FBXW4: variants seen among roughly 807,000 people sequenced by gnomAD.
The protein encoded by FBXW4 is F-box and WD repeat domain containing 4, also known as F-box/WD repeat-containing protein 4.
In FBXW4, 40 loss-of-function variants were observed where a neutral mutation model predicts 61.8. That is an observed-to-expected ratio of 0.65 (90% CI 0.50 to 0.84). The LOEUF is 0.84. FBXW4 is among the 40% of genes least tolerant of loss of function. The pLI, the probability that FBXW4 is intolerant of heterozygous loss-of-function variation, is 0.00. For synonymous variants in FBXW4, 311 were observed against 313.8 expected, an observed-to-expected ratio of 0.99 and a Z score of 0.10; for missense variants, 672 against 753.8, an observed-to-expected ratio of 0.89 and a Z score of 1.27.
At chr10:101,650,666 G>T (rs777512916) in intron 5 of FBXW4, among the ~76,000 whole-genome samples, 15 of 152,148 alleles carry the variant, frequency 9.9e-5, no homozygotes, top group Non-Finnish European at 1.3e-4. Flanking sequence ...ATGGATGGGG[G>T]AATCCTTTGC....
At chr10:101,625,246 G>A (rs2063898696) in intron 5 of FBXW4, 5 of 204,976 alleles carry the variant, frequency 2.4e-5, no homozygotes, top group African/African-American at 1.2e-4. Context: ...AGAAGTAGGA[G>A]CAGCTGAGGG....
chr10:101,673,197 A>G (rs1279754506), intron 3 of FBXW4, 150 bp from the exon 4 acceptor site: 1 of 976,414 alleles, frequency 1.0e-6, no homozygotes, highest in Non-Finnish European at 1.5e-6. Flanking sequence ...GACTTTCTAG[A>G]TACCTTTACT....
intron 6 of FBXW4, among the ~76,000 whole-genome samples, chr10:101,620,647 A>AT (rs553911024): frequency 2.2e-4 from 33 of 151,688 alleles, no homozygotes; most frequent in South Asian, 1.0e-3. Flanking sequence ...TCTGTTTTTA[A>AT]TTTTTTTTTG....
At position 101,673,570 on chromosome 10, in the gene FBXW4, G is replaced by A. The variant is rs886044695; in HGVS notation, c.925C>T (p.Arg309Trp). The change falls in exon 3 of 9, where the codon CGG becomes TGG. Residue 309 changes from arginine to tryptophan, a missense_variant. Coordinates refer to ENST00000331272, the MANE Select transcript of FBXW4 (RefSeq NM_022039.4). Reference sequence around the variant, plus strand: ...TGCCCAGCAAAGACTCCCAGAGGCCGACGATTCAAGCTGGCACCATCTGGA... The same window carrying A: ...TGCCCAGCAAAGACTCCCAGAGGCCAACGATTCAAGCTGGCACCATCTGGA... Reference protein sequence around the residue: ...FRPDGASLNRRPLGVFAGHDE... With the variant: ...FRPDGASLNRWPLGVFAGHDE... The A allele has an allele frequency of 9.3e-6, 15 of 1,613,896 alleles. No individual in the cohort carries two copies. Among genetic ancestry groups the A allele is most frequent in the South Asian group, 4.4e-5 (4 of 91,078 alleles).
chr10:101,633,340 C>T (rs2063974211), intron 5 of FBXW4, among the ~76,000 whole-genome samples: 1 of 152,156 alleles, frequency 6.6e-6, no homozygotes, highest in African/African-American at 2.4e-5. Context: ...TCTCAGCAAA[C>T]TAACACAAGA....
At chr10:101,679,187 C>T (rs1049661481) in intron 1 of FBXW4, among the ~76,000 whole-genome samples, 1 of 152,140 alleles carries the variant, frequency 6.6e-6, no homozygotes, top group Middle Eastern at 3.2e-3. Context: ...TGGCCTCAAG[C>T]AATCCTCCTG....
chr10:101,660,631 G>A (rs142294631), intron 5 of FBXW4, among the ~76,000 whole-genome samples: 3 of 152,278 alleles, frequency 2.0e-5, no homozygotes, highest in African/African-American at 4.8e-5. Flanking sequence ...TTGGCAGAAC[G>A]GTGATCAAAG....
chr10:101,689,831 T>C (rs769727408), intron 1 of FBXW4, among the ~76,000 whole-genome samples: 1 of 152,236 alleles, frequency 6.6e-6, no homozygotes, highest in East Asian at 1.9e-4. Context: ...CTGAAATAGA[T>C]ACCCCAGGCC....
chr10:101,686,384 A>G (rs895413336), intron 1 of FBXW4, among the ~76,000 whole-genome samples: 23 of 152,248 alleles, frequency 1.5e-4, no homozygotes, highest in African/African-American at 5.5e-4. Context: ...TTCCCCACTC[A>G]TTTGATTACA....
At position 101,694,579 on chromosome 10, in the gene FBXW4, C is replaced by A. The variant is rs1244430556; in HGVS notation, c.527G>T (p.Arg176Leu). 1.4e-6 allele frequency: 2 copies of A among 1,463,072 alleles called. No homozygotes were observed. The highest frequency in any genetic ancestry group is 2.7e-5 in the South Asian group (2 of 73,726). The allele number at this position is 1,463,072 out of a possible 1,614,324, so 90.6% of individuals were successfully genotyped here. Residue 176 changes from arginine (R) to leucine (L), a missense_variant, in exon 1 of 9, where the codon CGC becomes CTC. By Grantham distance (102) the Arg-to-Leu change is moderately radical (BLOSUM62 -2). Around this residue, in one of 5 missense-constraint regions of FBXW4, gnomAD observed 311 missense variants for 301.1 expected, o/e 1.03. Transcript: ENST00000331272. This position sits in a 1 kb window ranked among gnomAD's most constrained non-coding sequence, Gnocchi z 6.0. ...CCAGAGCGCAGGCCCCGCGGCCGGG[C>A]GGGCAGCCGACTCCCGAGCCGCCTC... ...EEEAARESAA[R>L]PAAGPALWRL...
chr10:101,630,820 G>A (rs566233641), intron 5 of FBXW4, among the ~76,000 whole-genome samples: 3 of 152,204 alleles, frequency 2.0e-5, no homozygotes, highest in African/African-American at 7.2e-5. Context: ...GATGGGAAGG[G>A]GAAAAAAACA....
At chr10:101,657,041 A>G (rs137976296) in intron 5 of FBXW4, among the ~76,000 whole-genome samples, 5 of 152,242 alleles carry the variant, frequency 3.3e-5, no homozygotes, top group African/African-American at 4.8e-5. Flanking sequence ...CTTTGCAATT[A>G]CCATGGCTTC....
At chr10:101,612,705 C>T (rs968566459) in intron 6 of FBXW4, among the ~76,000 whole-genome samples, 2 of 151,392 alleles carry the variant, frequency 1.3e-5, no homozygotes, top group Non-Finnish European at 2.9e-5. Context: ...TCCCAGCCCT[C>T]AGCAGCCCCT....
rs532452383 is a variant in FBXW4 at position 101,649,267 on chromosome 10, G to A, written c.1235+18619C>T. Among the ~76,000 whole-genome samples, 9 of 152,056 alleles carry A rather than the reference G, an allele frequency of 5.9e-5. No individual in the cohort carries two copies. In the South Asian group the frequency reaches 1.9e-3, roughly 32 times the overall value. Reference sequence around the variant, plus strand: ...AGTTTGCATTTAAAGGTTATGATGTGCCATTGCCCTCCCAGCCAGGCCTTG... The same window carrying A: ...AGTTTGCATTTAAAGGTTATGATGTACCATTGCCCTCCCAGCCAGGCCTTG... On this transcript the variant is annotated intron_variant, in intron 5 of 8. Transcript: ENST00000331272.
intron 5 of FBXW4, chr10:101,626,921 T>G (rs985364191): frequency 3.9e-5 from 6 of 152,022 alleles, no homozygotes; most frequent in Non-Finnish European, 8.8e-5. Flanking sequence ...GGGATGAGGG[T>G]GGTGTGGGGA....
chr10:101,687,129 T>C (rs1186503857), intron 1 of FBXW4, among the ~76,000 whole-genome samples: 1 of 152,114 alleles, frequency 6.6e-6, no homozygotes, highest in Non-Finnish European at 1.5e-5. Flanking sequence ...GAAAAGTATC[T>C]CAACATATTT....
At chr10:101,628,468 T>G (rs2063924648) in intron 5 of FBXW4, among the ~76,000 whole-genome samples, 2 of 152,218 alleles carry the variant, frequency 1.3e-5, no homozygotes, top group Non-Finnish European at 2.9e-5. Flanking sequence ...GGTACTGTAC[T>G]GTCTAGCACA....
At chr10:101,682,270 T>C (rs1019563509) in intron 1 of FBXW4, among the ~76,000 whole-genome samples, 4 of 152,220 alleles carry the variant, frequency 2.6e-5, no homozygotes, top group Non-Finnish European at 5.9e-5. Flanking sequence ...TATACACATG[T>C]TAAGGCTAAA....
At chr10:101,670,394 GA>G (rs1003223808) in intron 4 of FBXW4, among the ~76,000 whole-genome samples, 15 of 152,240 alleles carry the variant, frequency 9.9e-5, no homozygotes, top group Non-Finnish European at 2.1e-4. Context: ...GAAAAGTGGA[GA>G]TAAGTATAAG....
Sources: allele counts gnomAD v4.1 joint callset (sites outside exome capture counted in the v4.1 genomes callset), GRCh38; gene constraint gnomAD v4.1.1; regional missense constraint gnomAD v4.1.1; non-coding constraint Gnocchi (gnomAD v3.1); transcripts MANE v1.5; gene names NCBI Gene and HGNC (gene_info 2026-07-23, HGNC 2026-07-21).